Variants in AFF2 observed in about 807,000 individuals in gnomAD.
The protein encoded by AFF2 is ALF transcription elongation factor 2.
A neutral mutation model predicts 76.9 loss-of-function variants in AFF2; 14 were observed. That is an observed-to-expected ratio of 0.18 (90% CI 0.12 to 0.28). The LOEUF (loss-of-function observed/expected upper bound fraction) is 0.28, where lower values mean the gene tolerates loss of function less well. Ranked by LOEUF, AFF2 falls within the 10% of genes least tolerant of loss-of-function variation. The pLI is 1.00. For missense variants in AFF2, 868 were observed against 1,001.1 expected (o/e 0.87, Z 1.79); for synonymous variants, 398 against 366.7 (o/e 1.09, Z -0.98).
chrX:148,628,247 T>G (rs1195916280), intron 1 of AFF2, among the ~76,000 whole-genome samples: 2 of 110,921 alleles, frequency 1.8e-5, no homozygotes, highest in Non-Finnish European at 3.8e-5. Context: ...ATGGTTAAAA[T>G]GGCAAATTTT....
chrX:148,627,414 T>G (rs782694392), intron 1 of AFF2, among the ~76,000 whole-genome samples: 1 of 111,782 alleles, frequency 8.9e-6, no homozygotes, highest in South Asian at 3.8e-4. Context: ...AAGGATTGAA[T>G]GGGGGTCAGC....
intron 1 of AFF2, among the ~76,000 whole-genome samples, chrX:148,599,919 C>T (rs1229251124): frequency 1.8e-5 from 2 of 111,649 alleles, no homozygotes; most frequent in Non-Finnish European, 3.8e-5. Flanking sequence ...GTGTATTTGG[C>T]CATGATTTCT....
chrX:148,949,318 AT>A lies in AFF2; in HGVS notation c.1398-4255del, dbSNP rs1401936819. On this transcript the variant is annotated intron_variant, in intron 9 of 20. Coordinates refer to ENST00000370460, the MANE Select transcript of AFF2 (RefSeq NM_002025.4). ...GTGCCCAGACTATCTCTTAAAGCCC[AT>A]TTTTTTCCCCTGTCACTCTCAAGCT... 9.1e-5 allele frequency among the ~76,000 whole-genome samples: 10 copies of A among 110,397 alleles called. 1 individual carries two copies. Among genetic ancestry groups the A allele is most frequent in the Non-Finnish European group, 5.7e-5 (3 of 52,808 alleles).
At chrX:148,502,794 A>T (rs967801715) in intron 1 of AFF2, among the ~76,000 whole-genome samples, 1 of 112,686 alleles carries the variant, frequency 8.9e-6, no homozygotes, top group Non-Finnish European at 1.9e-5. Context: ...GGTATAGTTC[A>T]AATGTTAAAC....
At chrX:148,809,707 G>A (rs1244069598) in intron 3 of AFF2, among the ~76,000 whole-genome samples, 169 bp from the exon 4 acceptor site, 19 of 111,653 alleles carry the variant, frequency 1.7e-4, no homozygotes, top group African/African-American at 5.9e-4. Flanking sequence ...CGATCTTACC[G>A]CTTCATTAAA....
chrX:148,732,342 G>A (rs1482575587), intron 3 of AFF2, among the ~76,000 whole-genome samples: 4 of 95,467 alleles, frequency 4.2e-5, no homozygotes, highest in African/African-American at 7.9e-5. Context: ...ACCAAACACC[G>A]CATATTCTCA....
rs995944893 is a variant in AFF2, at chrX:148,967,820, C to A, written c.3267+128C>A. The A allele has an allele frequency of 1.1e-5, 6 of 525,396 alleles. No individual in the cohort carries two copies. The East Asian group carries it at 2.2e-4, about 19-fold the overall frequency. 43.3% of individuals were successfully genotyped at this position (525,396 alleles called of 1,213,427 possible). A position where few individuals can be genotyped will look rare whatever the true frequency, so the allele number is the denominator to read the frequency against. ...ACACCTGCCTGTCAACACATTGCTG[C>A]CCTGACATAGGGAGATTTGAACTAG... On this transcript the variant is annotated intron_variant, in intron 15 of 20. Coordinates refer to ENST00000370460, the MANE Select transcript of AFF2 (RefSeq NM_002025.4).
chrX:148,529,100 A>G (rs1291599761), intron 1 of AFF2, among the ~76,000 whole-genome samples: 2 of 112,224 alleles, frequency 1.8e-5, no homozygotes, highest in African/African-American at 3.2e-5. Flanking sequence ...AATCATAAAG[A>G]TTTATAAACA....
intron 3 of AFF2, among the ~76,000 whole-genome samples, chrX:148,764,100 T>C (rs782394399): frequency 8.9e-6 from 1 of 112,100 alleles, no homozygotes; most frequent in Non-Finnish European, 1.9e-5. Flanking sequence ...GCCTTTTAAA[T>C]ACCAAAGAAA....
intron 3 of AFF2, among the ~76,000 whole-genome samples, chrX:148,754,851 G>A (rs1256955208): frequency 1.8e-5 from 2 of 111,600 alleles, no homozygotes; most frequent in African/African-American, 6.5e-5. Flanking sequence ...CGTAACCCCT[G>A]CCCTCCGGAA....
At chrX:148,812,481 A>G (rs1359135310) in intron 4 of AFF2, among the ~76,000 whole-genome samples, 1 of 110,911 alleles carries the variant, frequency 9.0e-6, no homozygotes. Flanking sequence ...CAGTTTCTTC[A>G]TCTAGAAGCA....
rs1402298946 is a variant in AFF2 at position 148,994,642 on chromosome X, G to A, written c.*3310G>A. 6 of 112,268 alleles carry A rather than the reference G, an allele frequency of 5.3e-5. No homozygotes were observed. The highest frequency in any genetic ancestry group is 9.4e-5 in the Non-Finnish European group (5 of 53,294). 9.3% of individuals were successfully genotyped at this position (112,268 alleles called of 1,213,427 possible). ...ATTGGCTAAAAATGTGTTTTGTTGA[G>A]TTTCCAAATGGATGAATTTTCATTT... On this transcript the variant is annotated 3_prime_UTR_variant, in exon 21 of 21. Coordinates refer to ENST00000370460, the MANE Select transcript of AFF2 (RefSeq NM_002025.4).
At chrX:148,732,449 T>A in intron 3 of AFF2, among the ~76,000 whole-genome samples, 1 of 71,431 alleles carries the variant, frequency 1.4e-5, no homozygotes, top group Admixed American at 1.6e-4. Context: ...GGGGGAGGGG[T>A]AGCATTGGGA....
chrX:148,986,130 G>C (rs1365961390), intron 19 of AFF2, among the ~76,000 whole-genome samples: 1 of 107,588 alleles, frequency 9.3e-6, no homozygotes, highest in Non-Finnish European at 1.9e-5. Context: ...GCAGAAGACA[G>C]AGTTCCTTGA....
intron 7 of AFF2, among the ~76,000 whole-genome samples, chrX:148,848,546 C>T (rs2070695249): frequency 8.9e-6 from 1 of 112,425 alleles, no homozygotes; most frequent in Non-Finnish European, 1.9e-5. Context: ...CTAGCAATTT[C>T]ATATATTCTT....
chrX:148,603,784 T>C (rs1327443327), intron 1 of AFF2, among the ~76,000 whole-genome samples: 1 of 110,824 alleles, frequency 9.0e-6, no homozygotes, highest in East Asian at 2.8e-4. Flanking sequence ...AAAATAATTG[T>C]TTTTTGCCTT....
intron 3 of AFF2, among the ~76,000 whole-genome samples, chrX:148,745,444 G>T (rs2055409019): frequency 8.9e-6 from 1 of 111,867 alleles, no homozygotes; most frequent in African/African-American, 3.2e-5. Flanking sequence ...GAAGCCAAGT[G>T]CTTCTTGACT....
intron 1 of AFF2, among the ~76,000 whole-genome samples, chrX:148,525,819 A>G (rs2052651875): frequency 8.9e-6 from 1 of 111,965 alleles, no homozygotes; most frequent in African/African-American, 3.2e-5. Flanking sequence ...TCATGTATAT[A>G]TAATGTATCC....
chrX:148,642,941 T>C (rs1012652964), intron 1 of AFF2, among the ~76,000 whole-genome samples: 1 of 112,488 alleles, frequency 8.9e-6, no homozygotes, highest in East Asian at 2.8e-4. Context: ...CTCTGCTTCC[T>C]TTCTCGTAAA....
Sources: gnomAD v4.1 joint callset for allele counts (sites outside exome capture counted in the v4.1 genomes callset) on GRCh38, gnomAD v4.1.1 for gene constraint, MANE v1.5 for transcripts, NCBI Gene and HGNC (gene_info 2026-07-23, HGNC 2026-07-21) for gene names.